The following FGD2 variants were observed in gnomAD, a reference collection of about 807,000 sequenced individuals.
FGD2 encodes the protein FYVE, RhoGEF and PH domain containing 2.
FGD2 carries 52 observed loss-of-function variants against 75.9 expected under a neutral mutation model. That is an observed-to-expected ratio of 0.69 (90% confidence interval 0.55 to 0.86). The LOEUF (loss-of-function observed/expected upper bound fraction) is 0.86. Among genes scored for constraint, FGD2 ranks in the 40% least tolerant of loss-of-function variants. FGD2 has a pLI of 0.00. For missense variants in FGD2, 790 were observed against 872.0 expected, an observed-to-expected ratio of 0.91 and a Z score of 1.18; for synonymous variants, 347 against 348.6, an observed-to-expected ratio of 1.00 and a Z score of 0.05.
At chr6:37,021,967 T>C (rs1765609586) in intron 12 of FGD2, 2 of 509,478 alleles carry the variant, frequency 3.9e-6, no homozygotes, top group Admixed American at 3.7e-5. Flanking sequence ...TGGTTTGAGT[T>C]CAGATTTGAG....
chr6:37,008,854 G>C lies in FGD2; in HGVS notation c.89G>C (p.Arg30Thr). 6.3e-7 allele frequency: 1 copy of C among 1,598,152 alleles called. No homozygotes were observed. Residue 30 changes from arginine (R) to threonine (T), a missense_variant, in exon 2 of 16, where the codon AGA becomes ACA. Arg to Thr is a moderately conservative substitution (Grantham distance 71, BLOSUM62 -1). Coordinates refer to ENST00000274963, the MANE Select transcript of FGD2 (RefSeq NM_173558.4). ...ENSRTPEAAP[R>T]GQRLEDVHHR... ...CTCAGGACCCCAGAAGCAGCACCCA[G>C]AGGCCAGAGGCTAGAGGACGTGCAT...
chr6:37,023,735 C>T (rs1183989926), intron 13 of FGD2: 4 of 152,188 alleles, frequency 2.6e-5, no homozygotes, highest in South Asian at 2.1e-4. Context: ...GAGTTACATC[C>T]CGAAGCCAGG....
Position 37,025,840 on chromosome 6 carries a change from G to A in FGD2, c.1507G>A (p.Asp503Asn), listed in dbSNP as rs150236008. The change falls in exon 14 of 16, where the codon GAC (aspartate) becomes AAC (asparagine). Residue 503 changes from aspartate (D) to asparagine (N), a missense_variant. Coordinates refer to ENST00000274963, the MANE Select transcript of FGD2 (RefSeq NM_173558.4). Reference sequence around the variant, plus strand: ...CTACCGGGCCGAACTGAAATACGACGACAACAGGCCCAACCGAGTCTGCCT... The same window carrying A: ...CTACCGGGCCGAACTGAAATACGACAACAACAGGCCCAACCGAGTCTGCCT... ...SDYRAELKYDDNRPNRVCLHC... is the reference protein window; with the variant it reads ...SDYRAELKYDNNRPNRVCLHC... 36 of 1,614,046 alleles carry A rather than the reference G, an allele frequency of 2.2e-5. No homozygotes were observed. The highest frequency in any genetic ancestry group is 2.5e-5 in the Non-Finnish European group (29 of 1,180,040).
intron 3 of FGD2, 106 bp downstream of exon 3, chr6:37,011,156 G>A (rs2150769523): frequency 3.6e-6 from 4 of 1,106,380 alleles, no homozygotes; most frequent in East Asian, 5.1e-5. Context: ...CAGGAGCCCT[G>A]GCTTTGACTC....
rs754510582 is a variant in FGD2 at position 37,020,545 on chromosome 6, G to A, written c.1127G>A (p.Arg376Gln). Reference sequence around the variant, plus strand: ...TTGCCTCCCTCCTCTTGGCAGGTGCGGGAGCTGATGGATGCTGAGTTTCCC... The same window carrying A: ...TTGCCTCCCTCCTCTTGGCAGGTGCAGGAGCTGATGGATGCTGAGTTTCCC... ...TRIDVAGMKV[R>Q]ELMDAEFPHS... is the part of the protein sequence containing the mutation. The change falls in exon 10 of 16, where the codon CGG becomes CAG. Residue 376 changes from arginine (R) to glutamine (Q), a missense_variant. Transcript: ENST00000274963. 17 of 1,605,382 alleles carry A rather than the reference G, an allele frequency of 1.1e-5. No individual in the cohort carries two copies. The highest frequency in any genetic ancestry group is 2.2e-5 in the East Asian group (1 of 44,710).
At chr6:37,010,237 G>T (rs930808397) in intron 2 of FGD2, among the ~76,000 whole-genome samples, 2 of 152,122 alleles carry the variant, frequency 1.3e-5, no homozygotes, top group African/African-American at 4.8e-5. Context: ...GTGCCAGCAG[G>T]TTTGGTTTCT....
chr6:37,028,414 A>C lies in FGD2; in HGVS notation c.*251A>C, dbSNP rs535630292. 5.9e-4 allele frequency: 280 copies of C among 473,626 alleles called. No individual in the cohort carries two copies. The Middle Eastern group carries it at 6.1e-3, about 10-fold the overall frequency. The allele number at this position is 473,626 out of a possible 1,614,324, so 29.3% of individuals were successfully genotyped here. A position where few individuals can be genotyped will look rare whatever the true frequency, so the allele number is the denominator to read the frequency against. On this transcript the variant is annotated 3_prime_UTR_variant, in exon 16 of 16. Coordinates refer to ENST00000274963, the MANE Select transcript of FGD2 (RefSeq NM_173558.4). ...GGGGCTCCTGGGCCATGGGACTTCC[A>C]GTGCTAAAACTGGGAAAGCCCCAGG... is the stretch of plus-strand genomic sequence containing the variant.
In FGD2 at chr6:37,021,591, T is replaced by A; in HGVS notation, c.1313T>A (p.Ile438Asn). The change falls in exon 12 of 16, where the codon ATC becomes AAC. Residue 438 changes from isoleucine to asparagine, a missense_variant. Ile to Asn is a moderately radical substitution (Grantham distance 149). Transcript: ENST00000274963. ...KAAAQGPEGDIQEQELQSEEL... is the reference protein window; with the variant it reads ...KAAAQGPEGDNQEQELQSEEL... ...GCGGCCCAGGGGCCTGAGGGAGACA[T>A]CCAGGAGCAGGAGGTAAATGAAGGC... 1.2e-6 allele frequency: 2 copies of A among 1,613,796 alleles called. No homozygotes were observed. Among genetic ancestry groups the A allele is most frequent in the Non-Finnish European group, 1.7e-6 (2 of 1,179,834 alleles).
rs1765898628 is a variant in FGD2, at chr6:37,027,781, G to A, written c.1753-167G>A. 4 of 1,014,602 alleles carry A rather than the reference G, an allele frequency of 3.9e-6. No homozygotes were observed. In the South Asian group the frequency reaches 4.9e-5, roughly 12 times the overall value. The allele number at this position is 1,014,602 out of a possible 1,614,324, so 62.8% of individuals were successfully genotyped here. A position where few individuals can be genotyped will look rare whatever the true frequency, so the allele number is the denominator to read the frequency against. ...GGTCACCACTGCTTTGCCCTCAGAG[G>A]CAGCCAGTTCTTCTGTCCTCTTCCT... On this transcript the variant is annotated intron_variant, in intron 15 of 15. Transcript: ENST00000274963.
chr6:37,020,350 G>A (rs900109343), intron 9 of FGD2, among the ~76,000 whole-genome samples, 191 bp from the exon 10 acceptor site: 2 of 152,152 alleles, frequency 1.3e-5, no homozygotes, highest in Non-Finnish European at 2.9e-5. Flanking sequence ...CATTTGCTTG[G>A]AGCGAGGCCC....
intron 3 of FGD2, chr6:37,011,443 C>A: frequency 1.7e-6 from 1 of 572,878 alleles, no homozygotes. Flanking sequence ...AGTCCAAGAC[C>A]TCCACAGTTT....
chr6:37,013,546 G>A, intron 4 of FGD2, 63 bp from the exon 5 acceptor site: 1 of 1,565,358 alleles, frequency 6.4e-7, no homozygotes, highest in African/African-American at 1.4e-5. Context: ...GGCCTCACCT[G>A]GCCCTATCTA....
rs765815919 is a variant in FGD2 at position 37,025,925 on chromosome 6, G to A, written c.1592G>A (p.Arg531Gln). The A allele has an allele frequency of 5.0e-6, 8 of 1,613,916 alleles. No individual in the cohort carries two copies. Among genetic ancestry groups the A allele is most frequent in the East Asian group, 4.5e-5 (2 of 44,882 alleles). The change falls in exon 14 of 16, where the codon CGG becomes CAG. Residue 531 changes from arginine to glutamine, a missense_variant. By Grantham distance (43) the Arg-to-Gln change is conservative. Transcript: ENST00000274963. ...CCTGAGGCCAAGGAGGACAAGAGGC[G>A]GGGCATCCTGGAGGTGAGGGCCACT... ...VLPEAKEDKR[R>Q]GILEKGSSAT...
intron 3 of FGD2, 125 bp from the exon 4 acceptor site, chr6:37,011,581 T>C (rs1184129830): frequency 1.2e-5 from 16 of 1,311,166 alleles, no homozygotes; most frequent in Non-Finnish European, 1.7e-5. Flanking sequence ...GGGGTTGCTG[T>C]GAGGATGCCG....
intron 4 of FGD2, 43 bp from the exon 5 acceptor site, chr6:37,013,563 AGAG>A (rs1765125936): frequency 2.5e-6 from 4 of 1,592,396 alleles, no homozygotes; most frequent in Non-Finnish European, 3.4e-6. Flanking sequence ...TCTAGAGTCG[AGAG>A]GAGGTCTCTA....
rs1045675824 is a variant in FGD2, at chr6:37,011,371, G to T, written c.378+321G>T. 1.5e-5 allele frequency: 8 copies of T among 549,192 alleles called. No homozygotes were observed. The Middle Eastern group carries it at 1.4e-3, about 99-fold the overall frequency. The allele number at this position is 549,192 out of a possible 1,614,324, so 34.0% of individuals were successfully genotyped here. ...CCTCACAACGATCTTACCTTTCATA[G>T]TTTTTCAGGAGCCCTAAGGCTAGAG... On this transcript the variant is annotated intron_variant, in intron 3 of 15. Transcript: ENST00000274963.
rs563795781 is a variant in FGD2 at position 37,015,034 on chromosome 6, T to C, written c.1025T>C (p.Phe342Ser). 6.2e-7 allele frequency: 1 copy of C among 1,613,042 alleles called. No individual in the cohort carries two copies. Among genetic ancestry groups the C allele is most frequent in the Non-Finnish European group, 8.5e-7 (1 of 1,179,424 alleles). ...RRNDPMERYL[F>S]LFNNMLLYCV... ...AACGACCCCATGGAGCGCTACCTTT[T>C]CTTGGTAAGAGGGTGCTGGGAGCTC... The change falls in exon 8 of 16, where the codon TTC (phenylalanine) becomes TCC (serine). Residue 342 changes from phenylalanine to serine, a missense_variant. Phe to Ser is a radical substitution (Grantham distance 155). Transcript: ENST00000274963.
intron 1 of FGD2, among the ~76,000 whole-genome samples, chr6:37,006,179 C>T (rs565055891): frequency 6.8e-4 from 104 of 152,370 alleles, no homozygotes; most frequent in Middle Eastern, 3.4e-3. Flanking sequence ...TGCCTGCCAG[C>T]ACCTCTCAGA....
chr6:37,021,155 C>T (rs919374931), intron 11 of FGD2, among the ~76,000 whole-genome samples: 9 of 147,022 alleles, frequency 6.1e-5, no homozygotes, highest in African/African-American at 2.0e-4. Context: ...TGTGTGCGTG[C>T]GTGTGTGTGT....
Sources: allele counts gnomAD v4.1 joint callset (sites outside exome capture counted in the v4.1 genomes callset), GRCh38; gene constraint gnomAD v4.1.1; transcripts MANE v1.5; gene names NCBI Gene and HGNC (gene_info 2026-07-23, HGNC 2026-07-21).